LY75: variants seen among roughly 807,000 people sequenced by gnomAD.
The protein encoded by LY75 is lymphocyte antigen 75, also known as C-type lectin domain family 13 member B.
In LY75, 185 loss-of-function variants were observed where a neutral mutation model predicts 231.7. That is an observed-to-expected ratio of 0.80 (90% CI 0.71 to 0.90). LY75 has a LOEUF of 0.90. LY75 is among the 40% of genes least tolerant of loss of function. The probability of loss-of-function intolerance (pLI) is 0.00; values close to 1 mark genes in which losing one functional copy is unlikely to be tolerated. For synonymous variants in LY75, 668 were observed against 689.0 expected, an observed-to-expected ratio of 0.97 and a Z score of 0.48; for missense variants, 1,947 against 2,050.2, an observed-to-expected ratio of 0.95 and a Z score of 0.97.
rs565558829 is a variant in LY75, at chr2:159,854,825, TG to T, written c.2419+78del. On this transcript the variant is annotated intron_variant, in intron 17 of 34. Transcript: ENST00000263636. ...ACTTGAAGATGTATAGAGAAGAAGC[TG>T]GCACTTAAATAATTAACTAAATGCA... The T allele has an allele frequency of 2.8e-4, 435 of 1,566,380 alleles. 1 individual carries two copies. The African/African-American group carries it at 5.3e-3, about 19-fold the overall frequency.
rs1357820808 is a variant in LY75 at position 159,878,479 on chromosome 2, T to C, written c.1619A>G (p.Tyr540Cys). 1 of 1,614,016 alleles carries C rather than the reference T, an allele frequency of 6.2e-7. No homozygotes were observed. The highest frequency in any genetic ancestry group is 8.5e-7 in the Non-Finnish European group (1 of 1,179,966). The change falls in exon 11 of 35, where the codon TAC (tyrosine) becomes TGC (cysteine). Residue 540 changes from tyrosine to cysteine, a missense_variant. Coordinates refer to ENST00000263636, the MANE Select transcript of LY75 (RefSeq NM_002349.4). ...LTITSRFEQE[Y>C]LNDLMKKYDK... is the part of the protein sequence containing the mutation. Reference sequence around the variant, plus strand: ...ATACTTTTTCATCAAATCATTTAGGTATTCTTGCTCAAATCTACAAAAGGA... The same window carrying C: ...ATACTTTTTCATCAAATCATTTAGGCATTCTTGCTCAAATCTACAAAAGGA...
At chr2:159,893,602 T>C (rs1446047813) in intron 3 of LY75, among the ~76,000 whole-genome samples, 2 of 152,182 alleles carry the variant, frequency 1.3e-5, no homozygotes, top group Admixed American at 6.5e-5. Context: ...CCTCTAGTCT[T>C]CTGAAACTAC....
At chr2:159,873,348 CTG>C (rs1411810213) in intron 12 of LY75, among the ~76,000 whole-genome samples, 2 of 152,090 alleles carry the variant, frequency 1.3e-5, no homozygotes, top group Non-Finnish European at 2.9e-5. Context: ...ATATGACTTA[CTG>C]TGTTGATGGG....
intron 12 of LY75, 23 bp downstream of exon 12, chr2:159,875,421 A>T (rs748908352): frequency 6.2e-7 from 1 of 1,606,998 alleles, no homozygotes; most frequent in South Asian, 1.1e-5. Flanking sequence ...TCATTGAAGG[A>T]TAGAATGAGA....
chr2:159,897,374 C>T (rs1685934716), intron 2 of LY75, among the ~76,000 whole-genome samples: 1 of 152,114 alleles, frequency 6.6e-6, no homozygotes. Flanking sequence ...TTTAAATTTG[C>T]CATTAAGTCA....
intron 33 of LY75, chr2:159,807,995 T>C: frequency 1.1e-6 from 1 of 926,290 alleles, no homozygotes; most frequent in South Asian, 5.0e-5. Context: ...TATTAAGACA[T>C]AATTTTAACC....
At chr2:159,857,211 T>C (rs1684573383) in intron 16 of LY75, among the ~76,000 whole-genome samples, 1 of 152,214 alleles carries the variant, frequency 6.6e-6, no homozygotes. Flanking sequence ...TTTGACAGTT[T>C]GCCTTTGTGA....
intron 16 of LY75, among the ~76,000 whole-genome samples, chr2:159,855,510 C>T (rs1238873668): frequency 6.6e-6 from 1 of 152,166 alleles, no homozygotes; most frequent in Non-Finnish European, 1.5e-5. Flanking sequence ...ACTCAGGATT[C>T]CCAGATGGAA....
chr2:159,817,468 C>T (rs1320241964), intron 29 of LY75, among the ~76,000 whole-genome samples: 3 of 152,116 alleles, frequency 2.0e-5, no homozygotes, highest in African/African-American at 7.2e-5. Flanking sequence ...AAAACAAGCA[C>T]AAACAGCAAA....
intron 2 of LY75, among the ~76,000 whole-genome samples, chr2:159,895,515 G>A (rs971130657): frequency 1.7e-4 from 26 of 152,124 alleles, no homozygotes; most frequent in African/African-American, 6.3e-4. Flanking sequence ...AATACAAAGT[G>A]CCTTGGTATA....
At position 159,878,503 on chromosome 2, in the gene LY75, G is replaced by T; in HGVS notation, c.1605-10C>A. ...GTATTCTTGCTCAAATCTACAAAAG[G>T]AGAATCAAATTGGCAAGTGTTTCAC... On this transcript the variant is annotated splice_polypyrimidine_tract_variant and intron_variant, in intron 10 of 34. Coordinates refer to ENST00000263636, the MANE Select transcript of LY75 (RefSeq NM_002349.4). 6.2e-7 allele frequency: 1 copy of T among 1,613,424 alleles called. No individual in the cohort carries two copies. The highest frequency in any genetic ancestry group is 1.3e-5 in the African/African-American group (1 of 74,970).
intron 27 of LY75, 34 bp from the exon 28 acceptor site, chr2:159,831,820 A>G: frequency 6.5e-7 from 1 of 1,546,628 alleles, no homozygotes; most frequent in Non-Finnish European, 8.8e-7. Flanking sequence ...AATTTTAACA[A>G]TTACTTATCT....
chr2:159,845,989 G>A (rs543790694), intron 23 of LY75, among the ~76,000 whole-genome samples: 2 of 151,358 alleles, frequency 1.3e-5, no homozygotes, highest in South Asian at 4.2e-4. Flanking sequence ...ACATAGACAG[G>A]GTTTTGCTGT....
intron 6 of LY75, among the ~76,000 whole-genome samples, chr2:159,882,581 T>C (rs1365342128): frequency 6.6e-6 from 1 of 152,162 alleles, no homozygotes; most frequent in Non-Finnish European, 1.5e-5. Flanking sequence ...TATTAAGGGC[T>C]TGGACACAGT....
Position 159,834,223 on chromosome 2 carries a change from G to C in LY75, c.3674-12C>G, listed in dbSNP as rs1683753173. 1.2e-6 allele frequency: 2 copies of C among 1,612,690 alleles called. No homozygotes were observed. The highest frequency in any genetic ancestry group is 1.3e-5 in the African/African-American group (1 of 74,942). The stretch of plus-strand genomic sequence containing the variant: ...TTTTTCAGTCTCATCTAGAAAAAGA[G>C]TTAATGGTAAGAATTCTAATTTGAG... On this transcript the variant is annotated splice_polypyrimidine_tract_variant and intron_variant, in intron 26 of 34. Coordinates refer to ENST00000263636, the MANE Select transcript of LY75 (RefSeq NM_002349.4).
At chr2:159,825,687 A>C (rs1444983468) in intron 28 of LY75, among the ~76,000 whole-genome samples, 1 of 152,234 alleles carries the variant, frequency 6.6e-6, no homozygotes, top group African/African-American at 2.4e-5. Context: ...ATCTCTGATG[A>C]ACATCGATGC....
At chr2:159,893,870 A>G in intron 3 of LY75, 44 bp downstream of exon 3, 1 of 1,553,118 alleles carries the variant, frequency 6.4e-7, no homozygotes, top group Non-Finnish European at 8.7e-7. Flanking sequence ...TGCCTCATAT[A>G]AATGTACTAC....
chr2:159,855,986 G>A (rs1684539685), intron 16 of LY75, among the ~76,000 whole-genome samples: 2 of 152,046 alleles, frequency 1.3e-5, no homozygotes, highest in Admixed American at 1.3e-4. Flanking sequence ...TATTCGTATT[G>A]GATAATTTCC....
At chr2:159,899,926 A>C (rs1487627472) in intron 1 of LY75, among the ~76,000 whole-genome samples, 1 of 152,184 alleles carries the variant, frequency 6.6e-6, no homozygotes, top group Non-Finnish European at 1.5e-5. Context: ...CCAGCCATAC[A>C]CTGGCTTGTG....
Sources: gnomAD v4.1 joint callset for allele counts (sites outside exome capture counted in the v4.1 genomes callset) on GRCh38, gnomAD v4.1.1 for gene constraint, MANE v1.5 for transcripts, NCBI Gene and HGNC (gene_info 2026-07-23, HGNC 2026-07-21) for gene names.